Variants in HMX1 observed in about 807,000 individuals in gnomAD.
HMX1 encodes the protein H6 family homeobox 1, also known as homeobox protein HMX1.
HMX1 carries 8 observed loss-of-function variants against 8.9 expected under a neutral mutation model. The observed-to-expected ratio is 0.90, with a 90% CI of 0.53 to 1.63. The LOEUF is 1.63. Among genes scored for constraint, HMX1 ranks in the 40% most tolerant of loss-of-function variants. The pLI is 0.00. For synonymous variants in HMX1, 311 were observed against 283.4 expected, an observed-to-expected ratio of 1.10 and a Z score of -0.98; for missense variants, 621 against 558.5, an observed-to-expected ratio of 1.11 and a Z score of -1.13.
At chr4:8,852,882 C>A (rs1306985019) in intron 1 of HMX1, among the ~76,000 whole-genome samples, 1 of 152,196 alleles carries the variant, frequency 6.6e-6, no homozygotes, top group African/African-American at 2.4e-5. Flanking sequence ...CCCACCTTTG[C>A]CTCTTGCCCT....
chr4:8,860,425 C>A (rs1395063178), intron 1 of HMX1, among the ~76,000 whole-genome samples: 1 of 152,220 alleles, frequency 6.6e-6, no homozygotes, highest in Non-Finnish European at 1.5e-5. Flanking sequence ...GCCTTCACCC[C>A]CGCTACGATG....
downstream of HMX1, among the ~76,000 whole-genome samples, chr4:8,866,548 C>G (rs552912771): frequency 1.2e-3 from 184 of 152,364 alleles, 1 homozygote; most frequent in African/African-American, 4.0e-3. Context: ...ACAGCTTTGT[C>G]CACCACCTGA....
chr4:8,871,073 TG>T lies in HMX1; in HGVS notation c.394+147del, dbSNP rs1722196617. 2.0e-5 allele frequency: 16 copies of T among 792,200 alleles called. No individual in the cohort carries two copies. In the South Asian group the frequency reaches 3.8e-4, roughly 19 times the overall value. The allele number at this position is 792,200 out of a possible 1,614,324, so 49.1% of individuals were successfully genotyped here. On this transcript the variant is annotated intron_variant, in intron 1 of 1. Transcript: ENST00000400677. The surrounding 1 kb of genome is among the most constrained non-coding windows in gnomAD (Gnocchi z 4.8). ...CCAAACCAGCCCAACCAGGGGCTCC[TG>T]GGGGCCCCACAAGGCCCAGACGCCG...
At position 8,846,253 on chromosome 4, in the gene HMX1, CT is replaced by C; in HGVS notation, c.465del (p.Val156Ter). ...AGGCTCCCACTGTCACTTCTGTTCA[CT>C]TTGTATTTATCAGCTCTGGTCACCT... On this transcript the variant is annotated frameshift_variant, in exon 2 of 2. Coordinates refer to the HMX1 transcript ENST00000506970. LOFTEE classifies it low-confidence loss of function (END_TRUNC). 1 of 1,535,034 alleles carries C rather than the reference CT, an allele frequency of 6.5e-7. No individual in the cohort carries two copies. The highest frequency in any genetic ancestry group is 1.2e-5 in the South Asian group (1 of 84,042).
chr4:8,865,946 G>C (rs940009225), downstream of HMX1, among the ~76,000 whole-genome samples: 4 of 152,198 alleles, frequency 2.6e-5, no homozygotes, highest in Non-Finnish European at 5.9e-5. Context: ...GGACTGGGTT[G>C]GGGGAGGCCT....
At chr4:8,861,264 G>C (rs1454246476) in intron 1 of HMX1, among the ~76,000 whole-genome samples, 1 of 152,078 alleles carries the variant, frequency 6.6e-6, no homozygotes, top group African/African-American at 2.4e-5. Context: ...CGGACCAGAA[G>C]CTGCGGCACC....
intron 1 of HMX1, among the ~76,000 whole-genome samples, chr4:8,855,392 A>G (rs1348229315): frequency 6.6e-6 from 1 of 152,238 alleles, no homozygotes; most frequent in Admixed American, 6.5e-5. Context: ...AGGAGCTCAC[A>G]GTCTCACAAG....
At chr4:8,863,629 G>A (rs4997698), downstream of HMX1, among the ~76,000 whole-genome samples, 10,057 of 152,318 alleles carry the variant, frequency 0.066, 1,093 homozygotes, top group African/African-American at 0.22. Flanking sequence ...TGGGTGGAGC[G>A]CGCGGGGGAA....
chr4:8,849,155 G>A lies in HMX1; in HGVS notation c.395-2831C>T, dbSNP rs1044301456. ...AGTGTGGGATGAAGCCTTTTCATGAGGTTGTGAGACGGGTCCAACCATGGC... is the reference window on the plus strand; with the variant it reads ...AGTGTGGGATGAAGCCTTTTCATGAAGTTGTGAGACGGGTCCAACCATGGC... On this transcript the variant is annotated intron_variant, in intron 1 of 1. Transcript: ENST00000506970. The surrounding 1 kb of genome is among the most constrained non-coding windows in gnomAD (Gnocchi z 6.6). 6.6e-6 allele frequency among the ~76,000 whole-genome samples: 1 copy of A among 152,108 alleles called. No individual in the cohort carries two copies. Among genetic ancestry groups the A allele is most frequent in the Non-Finnish European group, 1.5e-5 (1 of 68,032 alleles).
In HMX1 at chr4:8,868,841, A is replaced by G. The variant is rs1404639214; in HGVS notation, c.395-496T>C. Among the ~76,000 whole-genome samples the G allele has an allele frequency of 3.3e-5, 5 of 152,046 alleles. No individual in the cohort carries two copies. The highest frequency in any genetic ancestry group is 5.9e-5 in the Non-Finnish European group (4 of 68,014). The stretch of plus-strand genomic sequence containing the variant: ...CCCCTGCCACCTGGCATCCAGCCCC[A>G]CGCCAAGCTCCCCAGAAGGAGGAAT... On this transcript the variant is annotated intron_variant, in intron 1 of 1. Coordinates refer to ENST00000400677, the MANE Select transcript of HMX1 (RefSeq NM_018942.3). This position sits in a 1 kb window ranked among gnomAD's most constrained non-coding sequence, Gnocchi z 4.6.
intron 1 of HMX1, among the ~76,000 whole-genome samples, chr4:8,850,327 G>C (rs552332362): frequency 2.4e-4 from 36 of 152,298 alleles, no homozygotes; most frequent in African/African-American, 7.7e-4. Context: ...GGGGTGGTCA[G>C]CTCTGCCCCG....
downstream of HMX1, among the ~76,000 whole-genome samples, chr4:8,863,010 G>A (rs1048063703): frequency 6.6e-6 from 1 of 151,676 alleles, no homozygotes; most frequent in African/African-American, 2.4e-5. Context: ...GGGACCTGGG[G>A]ATCGGCGAGT....
chr4:8,863,308 C>T (rs2109467400), downstream of HMX1, among the ~76,000 whole-genome samples: 1 of 152,294 alleles, frequency 6.6e-6, no homozygotes, highest in South Asian at 2.1e-4. Context: ...CAAGGTGGGG[C>T]GGAAGGCCAC....
At chr4:8,862,102 G>A (rs1010531464), downstream of HMX1, among the ~76,000 whole-genome samples, 9 of 151,624 alleles carry the variant, frequency 5.9e-5, no homozygotes, top group African/African-American at 2.2e-4. Flanking sequence ...GGAACCCGGA[G>A]GGGGCACCAC....
At chr4:8,860,934 G>A (rs13303241) in intron 1 of HMX1, 84,306 of 149,526 alleles carry the variant, frequency 0.56, 24,956 homozygotes, top group Non-Finnish European at 0.68. Flanking sequence ...AGACGCCAGA[G>A]AGACGCCAGG....
Position 8,868,932 on chromosome 4 carries a change from G to C in HMX1, c.395-587C>G, listed in dbSNP as rs1398804763. 6.6e-6 allele frequency among the ~76,000 whole-genome samples: 1 copy of C among 152,106 alleles called. No homozygotes were observed. The highest frequency in any genetic ancestry group is 6.6e-5 in the Admixed American group (1 of 15,266). ...GCACAGAAACATTCCATAGTAGGAG[G>C]ACAAACCAATGCAAAGGATCCCCAA... On this transcript the variant is annotated intron_variant, in intron 1 of 1. Transcript: ENST00000400677. This position sits in a 1 kb window ranked among gnomAD's most constrained non-coding sequence, Gnocchi z 4.6.
chr4:8,846,962 G>A (rs1045891207), intron 1 of HMX1, among the ~76,000 whole-genome samples: 3 of 152,186 alleles, frequency 2.0e-5, no homozygotes, highest in Non-Finnish European at 4.4e-5. Flanking sequence ...CACCCCCTGA[G>A]GGCAGGGTGC....
downstream of HMX1, among the ~76,000 whole-genome samples, chr4:8,866,073 C>A (rs1286145098): frequency 6.6e-6 from 1 of 152,164 alleles, no homozygotes; most frequent in Non-Finnish European, 1.5e-5. Flanking sequence ...CTGAAGGAGG[C>A]CCCCTGGGCT....
intron 1 of HMX1, among the ~76,000 whole-genome samples, chr4:8,857,999 G>A (rs1721670428): frequency 2.0e-5 from 3 of 151,596 alleles, no homozygotes; most frequent in Admixed American, 6.6e-5. Context: ...GGCTTTTAAC[G>A]AAAAAGAAGT....
Sources: gnomAD v4.1 joint callset for allele counts (sites outside exome capture counted in the v4.1 genomes callset) on GRCh38, gnomAD v4.1.1 for gene constraint, Gnocchi (gnomAD v3.1) non-coding constraint, MANE v1.5 for transcripts, NCBI Gene and HGNC (gene_info 2026-07-23, HGNC 2026-07-21) for gene names.